SEPTIN11: variants seen among roughly 807,000 people sequenced by gnomAD.
SEPTIN11 encodes the protein septin 11.
Under a neutral mutation model 51.4 loss-of-function variants are expected in SEPTIN11, and 25 were observed. The observed-to-expected ratio is 0.49, with a 90% confidence interval of 0.35 to 0.68. The LOEUF (loss-of-function observed/expected upper bound fraction) is 0.68. Among genes scored for constraint, SEPTIN11 ranks in the 30% least tolerant of loss-of-function variants. The probability of loss-of-function intolerance (pLI) is 0.00; values close to 1 mark genes in which losing one functional copy is unlikely to be tolerated. For synonymous variants in SEPTIN11, 174 were observed against 184.1 expected (o/e 0.95, Z 0.44); for missense variants, 381 against 520.8 (o/e 0.73, Z 2.61).
chr4:76,977,453 A>G (rs1252084322), intron 1 of SEPTIN11, among the ~76,000 whole-genome samples: 1 of 152,210 alleles, frequency 6.6e-6, no homozygotes, highest in Non-Finnish European at 1.5e-5. Flanking sequence ...GTATTTATTA[A>G]GTGAAACAGC....
At chr4:76,957,932 G>A (rs1007033475) in intron 1 of SEPTIN11, among the ~76,000 whole-genome samples, 2 of 151,956 alleles carry the variant, frequency 1.3e-5, no homozygotes, top group Non-Finnish European at 2.9e-5. Context: ...AAATATAATT[G>A]TGAACATAAA....
intron 1 of SEPTIN11, among the ~76,000 whole-genome samples, chr4:76,989,261 T>C (rs1037646364): frequency 6.6e-6 from 1 of 152,146 alleles, no homozygotes; most frequent in Non-Finnish European, 1.5e-5. Flanking sequence ...GCTCTCCACC[T>C]GAATACATAA....
At chr4:76,989,552 A>T (rs1159050436) in intron 1 of SEPTIN11, among the ~76,000 whole-genome samples, 1 of 152,224 alleles carries the variant, frequency 6.6e-6, no homozygotes, top group African/African-American at 2.4e-5. Context: ...CAGTTTAAGT[A>T]TGGTGAATAA....
chr4:76,968,525 G>A (rs1036005997), intron 1 of SEPTIN11, among the ~76,000 whole-genome samples: 1 of 152,152 alleles, frequency 6.6e-6, no homozygotes, highest in African/African-American at 2.4e-5. Flanking sequence ...TGTTTTGTAA[G>A]CAGACTATTT....
chr4:76,988,932 C>G (rs1723192886), intron 1 of SEPTIN11, among the ~76,000 whole-genome samples: 1 of 152,190 alleles, frequency 6.6e-6, no homozygotes, highest in Non-Finnish European at 1.5e-5. Flanking sequence ...TTTCATGGGT[C>G]AATTAAAACT....
At chr4:76,980,877 G>A (rs548087988) in intron 1 of SEPTIN11, among the ~76,000 whole-genome samples, 14 of 152,180 alleles carry the variant, frequency 9.2e-5, no homozygotes, top group Middle Eastern at 3.4e-3. Flanking sequence ...CCTACAGATC[G>A]TATGGATTAC....
intron 2 of SEPTIN11, among the ~76,000 whole-genome samples, chr4:76,997,593 G>GT (rs1723811505): frequency 6.6e-6 from 1 of 152,174 alleles, no homozygotes; most frequent in African/African-American, 2.4e-5. Context: ...CCCTGGCATT[G>GT]TATCTTAAGC....
At chr4:77,028,551 T>G in intron 7 of SEPTIN11, 78 bp from the exon 8 acceptor site, 1 of 1,409,688 alleles carries the variant, frequency 7.1e-7, no homozygotes, top group Admixed American at 2.3e-5. Context: ...TGAAAGTAGA[T>G]AGGTAGAAAT....
intron 1 of SEPTIN11, among the ~76,000 whole-genome samples, chr4:76,986,144 C>G (rs1361615496): frequency 1.3e-5 from 2 of 152,040 alleles, no homozygotes; most frequent in Non-Finnish European, 2.9e-5. Context: ...AAACAGTGGG[C>G]TTTTTTTCTC....
Sources: gnomAD v4.1 joint callset for allele counts (sites outside exome capture counted in the v4.1 genomes callset) on GRCh38, gnomAD v4.1.1 for gene constraint, MANE v1.5 for transcripts, NCBI Gene and HGNC (gene_info 2026-07-23, HGNC 2026-07-21) for gene names.